AKAP13: variants seen among roughly 807,000 people sequenced by gnomAD.
The protein encoded by AKAP13 is A-kinase anchoring protein 13.
In AKAP13, 80 loss-of-function variants were observed where a neutral mutation model predicts 264.5. The observed-to-expected ratio is 0.30, with a 90% CI of 0.25 to 0.36. The LOEUF is 0.36. AKAP13 is among the 10% of genes least tolerant of loss of function. The pLI is 1.00. For missense variants in AKAP13, 3,712 were observed against 3,435.2 expected (o/e 1.08, Z -2.01); for synonymous variants, 1,380 against 1,250.2 (o/e 1.10, Z -2.19).
chr15:85,468,763 G>T (rs1049488935), intron 1 of AKAP13, among the ~76,000 whole-genome samples: 3 of 151,914 alleles, frequency 2.0e-5, no homozygotes, highest in Non-Finnish European at 4.4e-5. Flanking sequence ...CTTCTGTGAA[G>T]CTGCCCCCAT....
At chr15:85,507,697 C>T (rs184107077) in intron 2 of AKAP13, among the ~76,000 whole-genome samples, 2 of 152,306 alleles carry the variant, frequency 1.3e-5, no homozygotes, top group East Asian at 1.9e-4. Context: ...AGGTGGTGGT[C>T]GTGTGGCCAA....
chr15:85,717,941 G>A (rs1330522214), intron 21 of AKAP13, 66 bp from the exon 22 acceptor site: 3 of 1,523,506 alleles, frequency 2.0e-6, no homozygotes, highest in Non-Finnish European at 2.7e-6. Context: ...CTTGAGGAAA[G>A]TCCAACATAG....
intron 1 of AKAP13, among the ~76,000 whole-genome samples, chr15:85,483,988 A>T (rs1212243685): frequency 6.6e-6 from 1 of 152,176 alleles, no homozygotes; most frequent in Non-Finnish European, 1.5e-5. Flanking sequence ...TTGTGGCTTA[A>T]CAAGGTGTTA....
intron 1 of AKAP13, among the ~76,000 whole-genome samples, chr15:85,384,092 C>T (rs985958780): frequency 6.6e-6 from 1 of 152,168 alleles, no homozygotes; most frequent in African/African-American, 2.4e-5. Flanking sequence ...AGATTTTATT[C>T]CATCTTTCCA....
chr15:85,598,174 G>C (rs2079901104), intron 8 of AKAP13, among the ~76,000 whole-genome samples: 1 of 152,022 alleles, frequency 6.6e-6, no homozygotes, highest in Non-Finnish European at 1.5e-5. Flanking sequence ...GAAGACAATG[G>C]GTTGGTTTGG....
At chr15:85,743,075 A>C (rs1372026542) in intron 35 of AKAP13, among the ~76,000 whole-genome samples, 1 of 152,112 alleles carries the variant, frequency 6.6e-6, no homozygotes, top group Non-Finnish European at 1.5e-5. Flanking sequence ...TTTTCCACTT[A>C]TCCTCTAACC....
chr15:85,504,624 C>T (rs368602203), intron 2 of AKAP13, among the ~76,000 whole-genome samples: 2 of 144,054 alleles, frequency 1.4e-5, no homozygotes, highest in African/African-American at 5.3e-5. Flanking sequence ...CCTGGAAGAT[C>T]GAAGCTGCAG....
At position 85,721,964 on chromosome 15, in the gene AKAP13, A is replaced by G. The variant is rs776442264; in HGVS notation, c.6253-27A>G. On this transcript the variant is annotated intron_variant, in intron 23 of 36. Transcript: ENST00000394518. ...TATTATGAGTTTGGCGCCCCATGGC[A>G]TAACTTCTGTTCTCTTTTCTCTGCA... The G allele has an allele frequency of 1.6e-5, 26 of 1,612,642 alleles. No homozygotes were observed. In the South Asian group the frequency reaches 2.6e-4, roughly 16 times the overall value.
intron 1 of AKAP13, among the ~76,000 whole-genome samples, chr15:85,439,422 A>G (rs1198764404): frequency 1.2e-4 from 19 of 152,140 alleles, no homozygotes; most frequent in Non-Finnish European, 2.1e-4. Flanking sequence ...CGATTCCTCA[A>G]GGATCTAGAA....
At chr15:85,675,885 T>C (rs1304373267) in intron 14 of AKAP13, among the ~76,000 whole-genome samples, 1 of 151,868 alleles carries the variant, frequency 6.6e-6, no homozygotes, top group African/African-American at 2.4e-5. Flanking sequence ...ATAGTGAGAA[T>C]GTATTGGGAG....
At chr15:85,680,598 C>G (rs1030459495) in intron 14 of AKAP13, among the ~76,000 whole-genome samples, 4 of 152,160 alleles carry the variant, frequency 2.6e-5, no homozygotes, top group Admixed American at 2.0e-4. Flanking sequence ...GGTGCAATGG[C>G]TCACCCCTGT....
chr15:85,734,439 A>G (rs2088290861), intron 30 of AKAP13, among the ~76,000 whole-genome samples: 1 of 151,968 alleles, frequency 6.6e-6, no homozygotes, highest in Non-Finnish European at 1.5e-5. Flanking sequence ...TCCCTCCCTT[A>G]TTCCACCTGG....
chr15:85,624,134 C>G (rs1284307615), intron 8 of AKAP13, among the ~76,000 whole-genome samples: 2 of 152,194 alleles, frequency 1.3e-5, no homozygotes, highest in Admixed American at 1.3e-4. Flanking sequence ...TGCTTTTAGC[C>G]TGGGCCATTG....
At chr15:85,731,885 C>T (rs1018814655) in intron 30 of AKAP13, among the ~76,000 whole-genome samples, 1 of 151,946 alleles carries the variant, frequency 6.6e-6, no homozygotes, top group Non-Finnish European at 1.5e-5. Context: ...GAGTTCAAGA[C>T]CAGCGTGGCC....
At chr15:85,549,931 T>A (rs541010412) in intron 5 of AKAP13, among the ~76,000 whole-genome samples, 1 of 152,278 alleles carries the variant, frequency 6.6e-6, no homozygotes, top group East Asian at 1.9e-4. Context: ...GATTGATTGA[T>A]TGATTGAGAC....
Position 85,722,364 on chromosome 15 carries a change from A to T in AKAP13, c.6496+17A>T, listed in dbSNP as rs781657674. 7 of 1,592,334 alleles carry T rather than the reference A, an allele frequency of 4.4e-6. No individual in the cohort carries two copies. The highest frequency in any genetic ancestry group is 6.0e-6 in the Non-Finnish European group (7 of 1,168,290). On this transcript the variant is annotated intron_variant, in intron 25 of 36. Transcript: ENST00000394518. ...GTACCAAAGGTAAGTCTCCTTTCTA[A>T]CTCGGTCTTGTATGGTCATGGACTG...
intron 14 of AKAP13, among the ~76,000 whole-genome samples, chr15:85,681,759 C>T (rs905954696): frequency 3.7e-5 from 5 of 133,358 alleles, no homozygotes; most frequent in Non-Finnish European, 3.5e-5. Context: ...GCAGTATTAA[C>T]GGATAAAATA....
chr15:85,415,103 T>G (rs1263927076), intron 1 of AKAP13: 1 of 625,074 alleles, frequency 1.6e-6, no homozygotes, highest in East Asian at 2.8e-5. Context: ...ATAATTTTTC[T>G]ATAATTAGTA....
chr15:85,516,868 T>C (rs1034712250), intron 2 of AKAP13, among the ~76,000 whole-genome samples: 1 of 152,250 alleles, frequency 6.6e-6, no homozygotes, highest in African/African-American at 2.4e-5. Flanking sequence ...GTGGAATTTC[T>C]GCTGTCTGGA....
Sources: gnomAD v4.1 joint callset for allele counts (sites outside exome capture counted in the v4.1 genomes callset) on GRCh38, gnomAD v4.1.1 for gene constraint, MANE v1.5 for transcripts, NCBI Gene and HGNC (gene_info 2026-07-23, HGNC 2026-07-21) for gene names.